CACNB2: variants seen among roughly 807,000 people sequenced by gnomAD.
CACNB2 encodes the protein voltage-dependent L-type calcium channel subunit beta-2.
CACNB2 carries 42 observed loss-of-function variants against 73.3 expected under a neutral mutation model. That is an observed-to-expected ratio of 0.57 (90% CI 0.45 to 0.74). The LOEUF is 0.74. Among genes scored for constraint, CACNB2 ranks in the 30% least tolerant of loss-of-function variants. CACNB2 has a pLI of 0.00. For missense variants in CACNB2, 940 were observed against 853.0 expected (o/e 1.10, Z -1.27); for synonymous variants, 348 against 310.3 (o/e 1.12, Z -1.28).
At chr10:18,536,243 CTTTTTTTTTTT>C (rs904187820) in intron 12 of CACNB2, 47 bp downstream of exon 12, 9 of 283,212 alleles carry the variant, frequency 3.2e-5, no homozygotes, top group African/African-American at 1.9e-4. Context: ...GAGATCAGAC[CTTTTTTTTTTT>C]TTTTTTTTTT....
intron 9 of CACNB2, chr10:18,519,775 CCA>C: frequency 4.4e-6 from 2 of 455,902 alleles, no homozygotes; most frequent in Non-Finnish European, 8.8e-6. Flanking sequence ...TCAGCCTACC[CCA>C]GTTATGTTTT....
rs1029283360 is a variant in CACNB2, at chr10:18,538,521, G to C, written c.1488+156G>C. Among the ~76,000 whole-genome samples, 4 of 152,134 alleles carry C rather than the reference G, an allele frequency of 2.6e-5. No individual in the cohort carries two copies. In the East Asian group the frequency reaches 7.7e-4, roughly 29 times the overall value. On this transcript the variant is annotated intron_variant, in intron 13 of 13. Transcript: ENST00000324631. Reference sequence around the variant, plus strand: ...TCCAGCATGAGCTGTGTATGTACCTGTAAGAAAAGCACCATCAACAGAATA... The same window carrying C: ...TCCAGCATGAGCTGTGTATGTACCTCTAAGAAAAGCACCATCAACAGAATA...
intron 2 of CACNB2, among the ~76,000 whole-genome samples, chr10:18,172,581 C>A (rs1184425808): frequency 6.6e-6 from 1 of 152,080 alleles, no homozygotes; most frequent in African/African-American, 2.4e-5. Context: ...TAGGAAGTGG[C>A]AGAGACTGGA....
chr10:18,506,327 C>A (rs879296146), intron 5 of CACNB2, 144 bp from the exon 6 acceptor site: 7 of 665,366 alleles, frequency 1.1e-5, no homozygotes, highest in Non-Finnish European at 1.9e-5. Flanking sequence ...GGAATCTCCA[C>A]TGGGAAATAT....
At chr10:18,507,018 C>T (rs1025990725) in intron 6 of CACNB2, among the ~76,000 whole-genome samples, 6 of 152,062 alleles carry the variant, frequency 3.9e-5, no homozygotes, top group Non-Finnish European at 5.9e-5. Flanking sequence ...AGGCTGGTCT[C>T]GAACTCCTGA....
chr10:18,174,263 C>CCT (rs1466302015), intron 2 of CACNB2, among the ~76,000 whole-genome samples: 2 of 133,844 alleles, frequency 1.5e-5, no homozygotes, highest in Admixed American at 7.6e-5. Context: ...CCCTTCCCTC[C>CCT]CTCCCTCTCC....
chr10:18,212,882 C>A (rs1303146269), intron 2 of CACNB2, among the ~76,000 whole-genome samples: 1 of 152,192 alleles, frequency 6.6e-6, no homozygotes, highest in Non-Finnish European at 1.5e-5. Context: ...CTGAGCCAAA[C>A]TGGAAGTGAG....
Position 18,402,017 on chromosome 10 carries a change from G to A in CACNB2, c.307G>A (p.Ala103Thr). The stretch of plus-strand genomic sequence containing the variant: ...AGTGCGCAGAGAAGCGGAGCGGCAG[G>A]CCCAGGCACAGTTGGAAAAAGCAAA... ...EAVRREAERQ[A>T]QAQLEKAKTK... Residue 103 changes from alanine to threonine, a missense_variant, in exon 3 of 14, where the codon GCC becomes ACC. Transcript: ENST00000324631. 6.2e-7 allele frequency: 1 copy of A among 1,614,034 alleles called. No homozygotes were observed. The highest frequency in any genetic ancestry group is 1.1e-5 in the South Asian group (1 of 91,078).
intron 2 of CACNB2, among the ~76,000 whole-genome samples, chr10:18,321,793 A>T (rs2040406734): frequency 6.6e-6 from 1 of 152,132 alleles, no homozygotes; most frequent in Admixed American, 6.6e-5. Flanking sequence ...TGGCCTGTTG[A>T]TGCATCTTTT....
chr10:18,371,838 A>G (rs2042597488), intron 2 of CACNB2, among the ~76,000 whole-genome samples: 1 of 152,130 alleles, frequency 6.6e-6, no homozygotes, highest in South Asian at 2.1e-4. Flanking sequence ...AAGTGTTCCT[A>G]TTTCTCCACA....
intron 3 of CACNB2, among the ~76,000 whole-genome samples, chr10:18,404,469 A>G (rs1036676687): frequency 1.3e-5 from 2 of 152,224 alleles, no homozygotes; most frequent in African/African-American, 4.8e-5. Context: ...AAGTTTAAAA[A>G]CATAACAATT....
chr10:18,221,793 C>G (rs144922079), intron 2 of CACNB2, among the ~76,000 whole-genome samples: 1,856 of 152,314 alleles, frequency 0.012, 43 homozygotes, highest in African/African-American at 0.043. Context: ...ATATCTTTCT[C>G]TCCTCTAGTA....
chr10:18,291,499 A>T (rs1352326246), intron 2 of CACNB2, among the ~76,000 whole-genome samples: 1 of 152,214 alleles, frequency 6.6e-6, no homozygotes, highest in Non-Finnish European at 1.5e-5. Flanking sequence ...TTCTGCCTCC[A>T]TAGTGATCAG....
At chr10:18,400,901 G>A (rs903398719) in intron 2 of CACNB2, 19 of 1,548,528 alleles carry the variant, frequency 1.2e-5, no homozygotes, top group Admixed American at 2.0e-5. Flanking sequence ...CCCGGAGGCA[G>A]AAAGGGACGG....
intron 2 of CACNB2, among the ~76,000 whole-genome samples, chr10:18,352,010 T>G (rs937782641): frequency 6.6e-6 from 1 of 152,216 alleles, no homozygotes; most frequent in African/African-American, 2.4e-5. Context: ...AAAAAGGATG[T>G]TTGACCTGTT....
chr10:18,539,191 G>A (rs746845100), intron 13 of CACNB2, 39 bp from the exon 14 acceptor site: 6 of 1,613,264 alleles, frequency 3.7e-6, no homozygotes, highest in Non-Finnish European at 5.1e-6. Flanking sequence ...TTTACACACT[G>A]ACCTTGGTTA....
intron 2 of CACNB2, chr10:18,400,921 G>C (rs2043961622): frequency 6.4e-7 from 1 of 1,574,704 alleles, no homozygotes; most frequent in Admixed American, 1.9e-5. Context: ...GAGAACAGGG[G>C]CTTGCCCAGA....
At chr10:18,325,004 G>T (rs1189014333) in intron 2 of CACNB2, among the ~76,000 whole-genome samples, 1 of 152,190 alleles carries the variant, frequency 6.6e-6, no homozygotes, top group East Asian at 1.9e-4. Flanking sequence ...GCTGAGAAGG[G>T]CTCCACACTT....
chr10:18,343,195 T>G (rs1284284883), intron 2 of CACNB2, among the ~76,000 whole-genome samples: 1 of 152,230 alleles, frequency 6.6e-6, no homozygotes, highest in Non-Finnish European at 1.5e-5. Context: ...TTCTTGAACA[T>G]GGTATCTTTA....
Sources: allele counts gnomAD v4.1 joint callset (sites outside exome capture counted in the v4.1 genomes callset), GRCh38; gene constraint gnomAD v4.1.1; transcripts MANE v1.5; gene names NCBI Gene and HGNC (gene_info 2026-07-23, HGNC 2026-07-21).